The following CACNA2D4 variants were observed in gnomAD, a reference collection of about 807,000 sequenced individuals.
CACNA2D4 encodes calcium voltage-gated channel auxiliary subunit alpha2delta 4.
In CACNA2D4, 157 loss-of-function variants were observed where a neutral mutation model predicts 163.8. The ratio of observed to expected loss-of-function variants is 0.96; its 90% CI spans 0.84 to 1.09. CACNA2D4 has a LOEUF of 1.09. Among genes scored for constraint, CACNA2D4 ranks in the 50% least tolerant of loss-of-function variants. The pLI, the probability that CACNA2D4 is intolerant of heterozygous loss-of-function variation, is 0.00. For synonymous variants in CACNA2D4, 598 were observed against 586.9 expected (o/e 1.02, Z -0.27); for missense variants, 1,410 against 1,479.9 (o/e 0.95, Z 0.78).
rs1865160227 is a variant in CACNA2D4 at position 1,846,999 on chromosome 12, A to G, written c.2247-310T>C. Among the ~76,000 whole-genome samples the G allele has an allele frequency of 2.0e-5, 3 of 152,166 alleles. No individual in the cohort carries two copies. The South Asian group carries it at 6.2e-4, about 31-fold the overall frequency. On this transcript the variant is annotated intron_variant, in intron 23 of 37. Transcript: ENST00000382722. ...GCTTTTGGGGAGTTCGATCTAGAAGATGGAACTTGGAAGGGAGATTCTGTC... is the reference window on the plus strand; with the variant it reads ...GCTTTTGGGGAGTTCGATCTAGAAGGTGGAACTTGGAAGGGAGATTCTGTC...
At position 1,873,363 on chromosome 12, in the gene CACNA2D4, A is replaced by T. The variant is rs576282935; in HGVS notation, c.1878+1241T>A. On this transcript the variant is annotated intron_variant, in intron 18 of 37. Transcript: ENST00000382722. The stretch of plus-strand genomic sequence containing the variant: ...GTAGCAATGAACAAACTTTGAAAGG[A>T]TGGGCAGAGGTTTCAGAAGTTCAGC... Among the ~76,000 whole-genome samples the T allele has an allele frequency of 9.8e-5, 15 of 152,318 alleles. No homozygotes were observed. The South Asian group carries it at 1.7e-3, about 17-fold the overall frequency.
At chr12:1,816,375 C>G (rs757865870) in intron 26 of CACNA2D4, among the ~76,000 whole-genome samples, 3 of 152,206 alleles carry the variant, frequency 2.0e-5, no homozygotes, top group Non-Finnish European at 4.4e-5. Flanking sequence ...GTTTTAGACC[C>G]TGACCTTCGT....
At position 1,877,910 on chromosome 12, in the gene CACNA2D4, G is replaced by A. The variant is rs1865914595; in HGVS notation, c.1719+405C>T. Among the ~76,000 whole-genome samples the A allele has an allele frequency of 3.3e-5, 5 of 152,330 alleles. 1 individual carries two copies. The South Asian group carries it at 1.0e-3, about 32-fold the overall frequency. Reference sequence around the variant, plus strand: ...GTGAAGAGGGCTGGGAGGGCCAGGAGCACTCAGGAATGCATCCTAAGGTGT... The same window carrying A: ...GTGAAGAGGGCTGGGAGGGCCAGGAACACTCAGGAATGCATCCTAAGGTGT... On this transcript the variant is annotated intron_variant, in intron 16 of 37. Coordinates refer to ENST00000382722, the MANE Select transcript of CACNA2D4 (RefSeq NM_172364.5).
intron 13 of CACNA2D4, among the ~76,000 whole-genome samples, chr12:1,880,236 GA>G (rs140096958): frequency 0.011 from 1,628 of 152,374 alleles, 24 homozygotes; most frequent in African/African-American, 0.037. Flanking sequence ...CGCCTGCCCA[GA>G]AACAGAGAGG....
intron 37 of CACNA2D4, among the ~76,000 whole-genome samples, chr12:1,794,222 G>A (rs142747027): frequency 6.5e-4 from 99 of 152,290 alleles, no homozygotes; most frequent in African/African-American, 2.3e-3. Context: ...TGGGAAAACT[G>A]CATTCTAATT....
At chr12:1,879,169 A>G in intron 14 of CACNA2D4, 133 bp from the exon 15 acceptor site, 2 of 639,330 alleles carry the variant, frequency 3.1e-6, no homozygotes, top group South Asian at 4.2e-5. Flanking sequence ...CTGCAATTAG[A>G]TTCTAGGCTG....
At position 1,884,308 on chromosome 12, in the gene CACNA2D4, G is replaced by A; in HGVS notation, c.1286C>T (p.Thr429Ile). The A allele has an allele frequency of 6.2e-7, 1 of 1,612,418 alleles. No homozygotes were observed. Among genetic ancestry groups the A allele is most frequent in the East Asian group, 2.2e-5 (1 of 44,880 alleles). Residue 429 changes from threonine to isoleucine, a missense_variant, in exon 12 of 38, where the codon ACT (threonine) becomes ATT (isoleucine). Transcript: ENST00000382722. ...AGACACTTCTCTCCCAATGAGGTAA[G>A]TGAAAACTCGGACCTAACCCACAAG... ...NWPDCKVRVF[T>I]YLIGREVSFA...
chr12:1,808,420 A>G (rs1863609398), intron 29 of CACNA2D4, among the ~76,000 whole-genome samples: 1 of 152,260 alleles, frequency 6.6e-6, no homozygotes, highest in Admixed American at 6.5e-5. Context: ...TGAAATTCAC[A>G]TTTCAGTATT....
At chr12:1,795,110 A>G in intron 37 of CACNA2D4, 189 bp downstream of exon 37, 1 of 602,208 alleles carries the variant, frequency 1.7e-6, no homozygotes, top group East Asian at 2.8e-5. Flanking sequence ...GACAAAGACT[A>G]AATAAAGATC....
At chr12:1,902,182 T>TA (rs141476361) in intron 6 of CACNA2D4, among the ~76,000 whole-genome samples, 22,982 of 151,798 alleles carry the variant, frequency 0.15, 2,007 homozygotes, top group African/African-American at 0.24. Flanking sequence ...GTAAAACCCC[T>TA]AAAAAAACTG....
chr12:1,797,464 CCGG>C lies in CACNA2D4; in HGVS notation c.3064_3066del (p.Pro1022del). 1 of 1,583,930 alleles carries C rather than the reference CCGG, an allele frequency of 6.3e-7. No homozygotes were observed. The highest frequency in any genetic ancestry group is 1.3e-5 in the African/African-American group (1 of 74,582). The stretch of plus-strand genomic sequence containing the variant: ...ACGATCCCGTTGGCCTCCCGGATGG[CCGG>C]CTGGTACACGAACACGGGGTACTCC... On this transcript the variant is annotated inframe_deletion, in exon 35 of 38. Transcript: ENST00000382722.
rs372554979 is a variant in CACNA2D4, at chr12:1,834,741, C to T, written c.2551+5998G>A. 119 of 1,569,190 alleles carry T rather than the reference C, an allele frequency of 7.6e-5. 1 individual carries two copies. Among genetic ancestry groups the T allele is most frequent in the Non-Finnish European group, 9.5e-5 (110 of 1,159,428 alleles). Reference sequence around the variant, plus strand: ...GCCTGAGCGCCCATCCCCACCCGGCCAGGTAGGAAGGGCGGGGAGAGCACA... The same window carrying T: ...GCCTGAGCGCCCATCCCCACCCGGCTAGGTAGGAAGGGCGGGGAGAGCACA... On this transcript the variant is annotated intron_variant, in intron 26 of 37. Transcript: ENST00000382722. The surrounding 1 kb of genome is among the most constrained non-coding windows in gnomAD (Gnocchi z 7.6).
Position 1,792,758 on chromosome 12 carries a change from A to G in CACNA2D4, c.*897T>C, listed in dbSNP as rs1441004640. 2 of 152,104 alleles carry G rather than the reference A, an allele frequency of 1.3e-5. No individual in the cohort carries two copies. Among genetic ancestry groups the G allele is most frequent in the African/African-American group, 4.8e-5 (2 of 41,400 alleles). 9.4% of individuals were successfully genotyped at this position (152,104 alleles called of 1,614,324 possible). On this transcript the variant is annotated 3_prime_UTR_variant, in exon 38 of 38. Transcript: ENST00000382722. ...GTTCCCACAAGTTCCAACCCTAAGG[A>G]TTTCACTCCAGGGACAGAGTCAAGT...
chr12:1,886,170 G>C, intron 8 of CACNA2D4, 53 bp downstream of exon 8: 1 of 1,595,446 alleles, frequency 6.3e-7, no homozygotes, highest in South Asian at 1.1e-5. Flanking sequence ...TGGTACCTGT[G>C]TATGATTTCT....
At position 1,883,037 on chromosome 12, in the gene CACNA2D4, G is replaced by A. The variant is rs1866044514; in HGVS notation, c.1352-37C>T. ...AAGGCCGCGTGGGTGTGGAAGGCAG[G>A]GCTTCCCTGGGAACCCCTCGCCAGG... On this transcript the variant is annotated intron_variant, in intron 12 of 37. Coordinates refer to ENST00000382722, the MANE Select transcript of CACNA2D4 (RefSeq NM_172364.5). The surrounding 1 kb of genome is among the most constrained non-coding windows in gnomAD (Gnocchi z 4.5). 2 of 1,595,598 alleles carry A rather than the reference G, an allele frequency of 1.3e-6. No individual in the cohort carries two copies. Among genetic ancestry groups the A allele is most frequent in the Non-Finnish European group, 8.5e-7 (1 of 1,170,644 alleles).
At position 1,845,877 on chromosome 12, in the gene CACNA2D4, G is replaced by A. The variant is rs78990920; in HGVS notation, c.2342+717C>T. Among the ~76,000 whole-genome samples the A allele has an allele frequency of 1.3e-4, 20 of 152,314 alleles. No individual in the cohort carries two copies. The East Asian group carries it at 3.7e-3, about 28-fold the overall frequency. On this transcript the variant is annotated intron_variant, in intron 24 of 37. Coordinates refer to ENST00000382722, the MANE Select transcript of CACNA2D4 (RefSeq NM_172364.5). Reference sequence around the variant, plus strand: ...CAGCGTCCTGGCCTCCACCCACTAGGTGCCAGTAGGAAGTTCTCTGCCTCC... The same window carrying A: ...CAGCGTCCTGGCCTCCACCCACTAGATGCCAGTAGGAAGTTCTCTGCCTCC...
intron 35 of CACNA2D4, among the ~76,000 whole-genome samples, chr12:1,797,136 TGGGC>T (rs1555173699): frequency 6.6e-6 from 1 of 151,438 alleles, no homozygotes; most frequent in Non-Finnish European, 1.5e-5. Context: ...CTCGGCGGGG[TGGGC>T]TCGACACACA....
intron 26 of CACNA2D4, among the ~76,000 whole-genome samples, chr12:1,837,063 C>T (rs141022322): frequency 1.6e-4 from 24 of 152,258 alleles, no homozygotes; most frequent in African/African-American, 5.3e-4. Context: ...CTTCTCTGGG[C>T]GACACCGAGG....
At chr12:1,891,004 C>G (rs1364510832) in intron 6 of CACNA2D4, among the ~76,000 whole-genome samples, 1 of 152,226 alleles carries the variant, frequency 6.6e-6, no homozygotes, top group African/African-American at 2.4e-5. Context: ...GTTGCCCCAC[C>G]ACTGCTAACG....
Sources: allele counts gnomAD v4.1 joint callset (sites outside exome capture counted in the v4.1 genomes callset), GRCh38; gene constraint gnomAD v4.1.1; non-coding constraint Gnocchi (gnomAD v3.1); transcripts MANE v1.5; gene names NCBI Gene and HGNC (gene_info 2026-07-23, HGNC 2026-07-21).